The following MAGI1 variants were observed in gnomAD, a reference collection of about 807,000 sequenced individuals.
The protein encoded by MAGI1 is membrane associated guanylate kinase, WW and PDZ domain containing 1.
MAGI1 carries 58 observed loss-of-function variants against 139.9 expected under a neutral mutation model. That is an observed-to-expected ratio of 0.41 (90% CI 0.34 to 0.52). The LOEUF (loss-of-function observed/expected upper bound fraction) is 0.52, where lower values mean the gene tolerates loss of function less well. Ranked by LOEUF, MAGI1 falls within the 20% of genes least tolerant of loss-of-function variation. The pLI is 0.12. For missense variants in MAGI1, 1,874 were observed against 1,901.6 expected, an observed-to-expected ratio of 0.99 and a Z score of 0.27; for synonymous variants, 812 against 737.9, an observed-to-expected ratio of 1.10 and a Z score of -1.63.
chr3:65,511,388 G>A lies in MAGI1; in HGVS notation c.431-17757C>T, dbSNP rs2077582698. On this transcript the variant is annotated intron_variant, in intron 2 of 22. Coordinates refer to ENST00000402939, the MANE Select transcript of MAGI1 (RefSeq NM_001033057.2). ...TTGGATAAAGAGTCAAGACCCATCA[G>A]TGTGCTATATTCAGGAAACCCATCT... is the stretch of plus-strand genomic sequence containing the variant. Among the ~76,000 whole-genome samples the A allele has an allele frequency of 2.1e-5, 3 of 143,794 alleles. No individual in the cohort carries two copies. The East Asian group carries it at 6.2e-4, about 30-fold the overall frequency. 94.3% of individuals were successfully genotyped at this position (143,794 alleles called of 152,430 possible). A position where few individuals can be genotyped will look rare whatever the true frequency, so the allele number is the denominator to read the frequency against.
rs557322821 is a variant in MAGI1 at position 65,834,563 on chromosome 3, G to A, written c.313+203433C>T. Among the ~76,000 whole-genome samples the A allele has an allele frequency of 2.6e-5, 4 of 152,332 alleles. No homozygotes were observed. The South Asian group carries it at 8.3e-4, about 32-fold the overall frequency. On this transcript the variant is annotated intron_variant, in intron 1 of 22. Coordinates refer to ENST00000402939, the MANE Select transcript of MAGI1 (RefSeq NM_001033057.2). ...ATAATATCTATTCTACTTTTGTTGG[G>A]TGGAAGGTCTATAAATGCCAATTAG...
intron 1 of MAGI1, among the ~76,000 whole-genome samples, chr3:65,791,409 C>T (rs749690874): frequency 1.6e-4 from 24 of 152,142 alleles, no homozygotes; most frequent in Non-Finnish European, 3.1e-4. Flanking sequence ...GCTGATACCA[C>T]GATAGACATT....
intron 1 of MAGI1, among the ~76,000 whole-genome samples, chr3:65,710,349 T>G (rs138648715): frequency 0.028 from 4,190 of 147,386 alleles, 185 homozygotes; most frequent in African/African-American, 0.096. Context: ...GGCGCGACCT[T>G]GGCTCACCAC....
At chr3:65,745,489 A>C (rs190663528) in intron 1 of MAGI1, among the ~76,000 whole-genome samples, 18 of 152,348 alleles carry the variant, frequency 1.2e-4, no homozygotes, top group Admixed American at 9.8e-4. Flanking sequence ...TTCGCAGGCA[A>C]GCATATTTTG....
intron 1 of MAGI1, among the ~76,000 whole-genome samples, chr3:65,724,216 T>C (rs956897643): frequency 6.6e-6 from 1 of 152,242 alleles, no homozygotes; most frequent in South Asian, 2.1e-4. Flanking sequence ...AATGTAGTCA[T>C]GGAGAGGGAT....
At chr3:65,831,616 TA>T (rs1245552178) in intron 1 of MAGI1, among the ~76,000 whole-genome samples, 1 of 152,138 alleles carries the variant, frequency 6.6e-6, no homozygotes, top group African/African-American at 2.4e-5. Flanking sequence ...GTTTTTGAAC[TA>T]AAAAGCAAAG....
chr3:65,844,721 T>C (rs1419896477), intron 1 of MAGI1, among the ~76,000 whole-genome samples: 2 of 152,188 alleles, frequency 1.3e-5, no homozygotes, highest in Non-Finnish European at 2.9e-5. Context: ...ACCCAATTCA[T>C]GCAAGACCTA....
chr3:65,712,282 C>T (rs893476760), intron 1 of MAGI1, among the ~76,000 whole-genome samples: 1 of 151,974 alleles, frequency 6.6e-6, no homozygotes, highest in South Asian at 2.1e-4. Flanking sequence ...ACCCACCATG[C>T]TCTGAGGAAA....
intron 8 of MAGI1, among the ~76,000 whole-genome samples, chr3:65,440,376 C>T (rs1439375380): frequency 6.6e-6 from 1 of 152,136 alleles, no homozygotes; most frequent in Non-Finnish European, 1.5e-5. Flanking sequence ...CATGCAAGCT[C>T]AGGGTTGCCT....
chr3:66,036,821 C>T (rs1298010835), intron 1 of MAGI1, among the ~76,000 whole-genome samples: 3 of 152,168 alleles, frequency 2.0e-5, no homozygotes, highest in Admixed American at 6.5e-5. Flanking sequence ...GGAGAACCTG[C>T]GTCATGGCAC....
In MAGI1 at chr3:65,482,436, T is replaced by G. The variant is rs866027755; in HGVS notation, c.551-3638A>C. ...TATGCAAAGTGCTGCACATGGTAAC[T>G]GAGCACTAAGCAAGCAAACCTGTCA... On this transcript the variant is annotated intron_variant, in intron 3 of 22. Coordinates refer to ENST00000402939, the MANE Select transcript of MAGI1 (RefSeq NM_001033057.2). 2.6e-5 allele frequency among the ~76,000 whole-genome samples: 4 copies of G among 152,314 alleles called. No homozygotes were observed. In the South Asian group the frequency reaches 8.3e-4, roughly 32 times the overall value.
chr3:65,712,571 A>C (rs2372186), intron 1 of MAGI1, among the ~76,000 whole-genome samples: 56,761 of 151,674 alleles, frequency 0.37, 10,836 homozygotes, highest in Non-Finnish European at 0.42. Context: ...GGAGTGCAGC[A>C]GCGTGATCTC....
chr3:65,792,093 G>A (rs1032732648), intron 1 of MAGI1, among the ~76,000 whole-genome samples: 1 of 151,968 alleles, frequency 6.6e-6, no homozygotes, highest in African/African-American at 2.4e-5. Flanking sequence ...CACAACAAGA[G>A]ATTAATAACA....
intron 1 of MAGI1, among the ~76,000 whole-genome samples, chr3:65,864,831 G>T (rs922890403): frequency 1.3e-5 from 2 of 152,030 alleles, no homozygotes; most frequent in Non-Finnish European, 2.9e-5. Context: ...ACAAAATGAA[G>T]ATTCTACTGA....
At chr3:65,828,390 T>G (rs529046918) in intron 1 of MAGI1, among the ~76,000 whole-genome samples, 1 of 152,316 alleles carries the variant, frequency 6.6e-6, no homozygotes, top group East Asian at 1.9e-4. Context: ...CACTTTTTTA[T>G]GGCTAAATCC....
At chr3:66,014,735 C>G (rs1025881277) in intron 1 of MAGI1, among the ~76,000 whole-genome samples, 4 of 152,178 alleles carry the variant, frequency 2.6e-5, no homozygotes, top group African/African-American at 7.2e-5. Flanking sequence ...TTAATAAACA[C>G]TTGTGAAATT....
intron 1 of MAGI1, among the ~76,000 whole-genome samples, chr3:65,700,714 C>T (rs7625106): frequency 0.012 from 1,836 of 152,228 alleles, 38 homozygotes; most frequent in African/African-American, 0.041. Flanking sequence ...TAAAAAATGA[C>T]TGTAACACGT....
intron 1 of MAGI1, among the ~76,000 whole-genome samples, chr3:65,649,346 C>T (rs1279124434): frequency 2.0e-5 from 3 of 152,184 alleles, no homozygotes; most frequent in Non-Finnish European, 2.9e-5. Flanking sequence ...CATCACTGCA[C>T]TCCAGCCTGG....
intron 1 of MAGI1, among the ~76,000 whole-genome samples, chr3:65,819,206 C>T (rs552142920): frequency 9.9e-5 from 15 of 152,230 alleles, no homozygotes; most frequent in African/African-American, 3.6e-4. Context: ...ATCACTTGAA[C>T]CTGGGAGGCG....
Sources: allele counts gnomAD v4.1 joint callset (sites outside exome capture counted in the v4.1 genomes callset), GRCh38; gene constraint gnomAD v4.1.1; transcripts MANE v1.5; gene names NCBI Gene and HGNC (gene_info 2026-07-23, HGNC 2026-07-21).